The following PAXBP1 variants were observed in gnomAD, a reference collection of about 807,000 sequenced individuals.
PAXBP1 encodes the protein PAX3- and PAX7-binding protein 1.
In PAXBP1, 44 loss-of-function variants were observed where a neutral mutation model predicts 119.9. The ratio of observed to expected loss-of-function variants is 0.37; its 90% CI spans 0.29 to 0.47. The LOEUF (loss-of-function observed/expected upper bound fraction) is 0.47. PAXBP1 is among the 20% of genes least tolerant of loss of function. The pLI is 0.99. For synonymous variants in PAXBP1, 393 were observed against 406.6 expected (o/e 0.97, Z 0.40); for missense variants, 898 against 1,134.1 (o/e 0.79, Z 2.99).
In PAXBP1 at chr21:32,762,147, C is replaced by A; in HGVS notation, c.820G>T (p.Val274Phe). The change falls in exon 4 of 18, where the codon GTT (valine) becomes TTT (phenylalanine). Residue 274 changes from valine (V) to phenylalanine (F), a missense_variant. Val to Phe is a conservative substitution (Grantham distance 50, BLOSUM62 -1). Transcript: ENST00000331923. Reference protein sequence around the residue: ...DEDDDEKRRIVFSVKEKSQRQ... With the variant: ...DEDDDEKRRIFFSVKEKSQRQ... ...TGTGACTTTTCTTTCACAGAAAAAA[C>A]TATCCGGCGTTTCTCATCGTCATCT... The A allele has an allele frequency of 6.2e-7, 1 of 1,614,204 alleles. No individual in the cohort carries two copies. Among genetic ancestry groups the A allele is most frequent in the Non-Finnish European group, 8.5e-7 (1 of 1,180,034 alleles).
chr21:32,734,761 T>A lies in PAXBP1; in HGVS notation c.*189A>T, dbSNP rs755847726. The stretch of plus-strand genomic sequence containing the variant: ...TGACAGGCAGTAAAGAAAACATTCA[T>A]AGACTCCTAGAAATAATCTGAATTC... On this transcript the variant is annotated 3_prime_UTR_variant, in exon 18 of 18. Coordinates refer to ENST00000331923, the MANE Select transcript of PAXBP1 (RefSeq NM_016631.4). 19 of 602,212 alleles carry A rather than the reference T, an allele frequency of 3.2e-5. No homozygotes were observed. The highest frequency in any genetic ancestry group is 5.0e-5 in the Non-Finnish European group (17 of 341,658). 37.3% of individuals were successfully genotyped at this position (602,212 alleles called of 1,614,324 possible). A position where few individuals can be genotyped will look rare whatever the true frequency, so the allele number is the denominator to read the frequency against.
At chr21:32,764,618 A>C in intron 2 of PAXBP1, 94 bp from the exon 3 acceptor site, 1 of 1,013,280 alleles carries the variant, frequency 9.9e-7, no homozygotes, top group Non-Finnish European at 1.4e-6. Context: ...AAATTTTTTT[A>C]ATTAAAAAAA....
rs1433391099 is a variant in PAXBP1 at position 32,764,660 on chromosome 21, CCAG to C, written c.473-139_473-137del. ...CTTTTCATTCAATTATGGGCTCAAT[CCAG>C]TAAAGCTTGAATTAATTGTTTGTTA... On this transcript the variant is annotated intron_variant, in intron 2 of 17. Transcript: ENST00000331923. The C allele has an allele frequency of 5.0e-6, 3 of 604,160 alleles. No individual in the cohort carries two copies. The African/African-American group carries it at 5.6e-5, about 11-fold the overall frequency. The allele number at this position is 604,160 out of a possible 1,614,324, so 37.4% of individuals were successfully genotyped here. A position where few individuals can be genotyped will look rare whatever the true frequency, so the allele number is the denominator to read the frequency against.
intron 2 of PAXBP1, among the ~76,000 whole-genome samples, chr21:32,767,386 G>A (rs555816812): frequency 1.3e-5 from 2 of 152,298 alleles, no homozygotes; most frequent in South Asian, 2.1e-4. Flanking sequence ...CTAGTGAGTG[G>A]AGTATCAGAA....
intron 10 of PAXBP1, 134 bp downstream of exon 10, chr21:32,750,783 A>T (rs1405168846): frequency 1.4e-5 from 9 of 648,142 alleles, no homozygotes; most frequent in Non-Finnish European, 2.3e-5. Flanking sequence ...AAGGCATGCA[A>T]ATTTCTGCAA....
At position 32,738,364 on chromosome 21, in the gene PAXBP1, G is replaced by A. The variant is rs7277566; in HGVS notation, c.2335-45C>T. The A allele has an allele frequency of 9.3e-4, 1,377 of 1,479,698 alleles. 13 individuals are homozygous for A. In the African/African-American group the frequency reaches 0.018, roughly 19 times the overall value. 91.7% of individuals were successfully genotyped at this position (1,479,698 alleles called of 1,614,324 possible). A position where few individuals can be genotyped will look rare whatever the true frequency, so the allele number is the denominator to read the frequency against. On this transcript the variant is annotated intron_variant, in intron 15 of 17. Coordinates refer to ENST00000331923, the MANE Select transcript of PAXBP1 (RefSeq NM_016631.4). ...TAGGTAATGTGAAACAATTAGATTA[G>A]GTACAAAGTAAATAAGTTACATAGT...
intron 4 of PAXBP1, among the ~76,000 whole-genome samples, chr21:32,761,882 A>T (rs959029115): frequency 6.6e-6 from 1 of 152,132 alleles, no homozygotes; most frequent in Admixed American, 6.5e-5. Flanking sequence ...AATTAAAAAT[A>T]AAAAAATTAG....
At chr21:32,748,302 C>A (rs1444324964) in intron 11 of PAXBP1, among the ~76,000 whole-genome samples, 197 bp downstream of exon 11, 2 of 152,034 alleles carry the variant, frequency 1.3e-5, no homozygotes, top group African/African-American at 2.4e-5. Context: ...ACAAAAAAAA[C>A]ACATAGCTCT....
chr21:32,771,259 G>T, intron 1 of PAXBP1, 67 bp downstream of exon 1: 1 of 1,415,266 alleles, frequency 7.1e-7, no homozygotes, highest in Non-Finnish European at 9.4e-7. Context: ...AGAGAATACG[G>T]GGGCGGGGGA....
chr21:32,734,987 T>C lies in PAXBP1; in HGVS notation c.2717A>G (p.Asn906Ser), dbSNP rs770144337. 6.2e-7 allele frequency: 1 copy of C among 1,613,914 alleles called. No homozygotes were observed. Among genetic ancestry groups the C allele is most frequent in the Non-Finnish European group, 8.5e-7 (1 of 1,179,902 alleles). The change falls in exon 18 of 18, where the codon AAT becomes AGT. Residue 906 changes from asparagine to serine, a missense_variant. Around this residue, in one of 2 missense-constraint regions of PAXBP1, gnomAD observed 599 missense variants for 852.7 expected, o/e 0.70. Coordinates refer to ENST00000331923, the MANE Select transcript of PAXBP1 (RefSeq NM_016631.4). ...GATCAAAGACTTAAATTCTTTCACATTGTGGTCACTTGCAACAGACATAGC... is the reference window on the plus strand; with the variant it reads ...GATCAAAGACTTAAATTCTTTCACACTGTGGTCACTTGCAACAGACATAGC... ...DHAMSVASDH[N>S]VKEFKSLIEG...
At chr21:32,760,902 C>CGTGTGTGTGTGTGT (rs1175775718) in intron 5 of PAXBP1, among the ~76,000 whole-genome samples, 157 bp downstream of exon 5, 155 of 127,786 alleles carry the variant, frequency 1.2e-3, no homozygotes, top group Non-Finnish European at 1.8e-3. Context: ...TGCGTGCGTG[C>CGTGTGTGTGTGTGT]GTGTGTGTGT....
At chr21:32,741,666 T>TAAAA in intron 15 of PAXBP1, 3 of 665,630 alleles carry the variant, frequency 4.5e-6, no homozygotes, top group Non-Finnish European at 8.1e-6. Flanking sequence ...GGCCAGTTTT[T>TAAAA]ACACAGAAAG....
rs1202512779 is a variant in PAXBP1 at position 32,764,515 on chromosome 21, G to A, written c.482C>T (p.Pro161Leu). 6.3e-7 allele frequency: 1 copy of A among 1,586,350 alleles called. No homozygotes were observed. ...ELNSSAESEQ[P>L]LDKTGHVKDT... is the part of the protein sequence containing the mutation. Reference sequence around the variant, plus strand: ...CTTAACATGTCCTGTTTTGTCCAAAGGTTGTTCACCTAAATTTTTGAAGAA... The same window carrying A: ...CTTAACATGTCCTGTTTTGTCCAAAAGTTGTTCACCTAAATTTTTGAAGAA... The change falls in exon 3 of 18, where the codon CCT (proline) becomes CTT (leucine). Residue 161 changes from proline (P) to leucine (L), a missense_variant. Pro to Leu is a moderately conservative substitution (Grantham distance 98). Around this residue, in one of 2 missense-constraint regions of PAXBP1, gnomAD observed 299 missense variants for 281.4 expected, o/e 1.06. Coordinates refer to ENST00000331923, the MANE Select transcript of PAXBP1 (RefSeq NM_016631.4).
At chr21:32,742,060 T>G (rs554940765) in intron 15 of PAXBP1, among the ~76,000 whole-genome samples, 1 of 152,244 alleles carries the variant, frequency 6.6e-6, no homozygotes, top group East Asian at 1.9e-4. Flanking sequence ...TCATAGGACA[T>G]AGACTGGGAG....
chr21:32,743,615 T>G, intron 14 of PAXBP1, 63 bp downstream of exon 14: 2 of 1,271,752 alleles, frequency 1.6e-6, no homozygotes, highest in Non-Finnish European at 1.1e-6. Flanking sequence ...TTTCAGAATT[T>G]TATAAGCCTT....
rs1664350150 is a variant in PAXBP1 at position 32,748,552 on chromosome 21, T to C, written c.1870A>G (p.Lys624Glu). The change falls in exon 11 of 18, where the codon AAA becomes GAA. Residue 624 changes from lysine to glutamate, a missense_variant. Physicochemically the swap from Lys to Glu is moderately conservative, Grantham distance 56. Transcript: ENST00000331923. ...AGTCGTATGAGGGGGTTGAATAATT[T>C]TGGCAAACAAAGGCCAATGTAAGCA... ...KDAYIGLCLP[K>E]LFNPLIRLQL... is the part of the protein sequence containing the mutation. The C allele has an allele frequency of 6.2e-7, 1 of 1,613,980 alleles. No homozygotes were observed. Among genetic ancestry groups the C allele is most frequent in the Admixed American group, 1.7e-5 (1 of 60,004 alleles).
At chr21:32,744,260 T>TAAAAAAAAAAAA (rs762993580) in intron 13 of PAXBP1, among the ~76,000 whole-genome samples, 3 of 57,548 alleles carry the variant, frequency 5.2e-5, no homozygotes, top group Non-Finnish European at 7.0e-5. Flanking sequence ...GCTGATGAGC[T>TAAAAAAAAAAAA]AAAAAAAAAA....
intron 16 of PAXBP1, chr21:32,737,621 A>G (rs1259717226): frequency 2.6e-6 from 1 of 379,920 alleles, no homozygotes; most frequent in East Asian, 4.5e-5. Context: ...TGGGTTAGGC[A>G]CTCAAAGCAA....
intron 11 of PAXBP1, 119 bp from the exon 12 acceptor site, chr21:32,745,837 C>G: frequency 8.0e-7 from 1 of 1,251,166 alleles, no homozygotes; most frequent in Non-Finnish European, 1.1e-6. Flanking sequence ...AAAAACTGGA[C>G]GGCTGGAGAT....
Sources: allele counts gnomAD v4.1 joint callset (sites outside exome capture counted in the v4.1 genomes callset), GRCh38; gene constraint gnomAD v4.1.1; regional missense constraint gnomAD v4.1.1; transcripts MANE v1.5; gene names NCBI Gene and HGNC (gene_info 2026-07-23, HGNC 2026-07-21).